Variants in CSMD3 observed in about 807,000 individuals in gnomAD.
CSMD3 encodes CUB and sushi domain-containing protein 3.
A neutral mutation model predicts 435.2 loss-of-function variants in CSMD3; 177 were observed. That is an observed-to-expected ratio of 0.41 (90% CI 0.36 to 0.46). CSMD3 has a LOEUF of 0.46. Among genes scored for constraint, CSMD3 ranks in the 20% least tolerant of loss-of-function variants. The probability of loss-of-function intolerance (pLI) is 0.34; values close to 1 mark genes in which losing one functional copy is unlikely to be tolerated. For missense variants in CSMD3, 4,265 were observed against 4,504.6 expected, an observed-to-expected ratio of 0.95 and a Z score of 1.52; for synonymous variants, 1,656 against 1,520.5, an observed-to-expected ratio of 1.09 and a Z score of -2.07.
chr8:112,985,360 A>T (rs2085217512), intron 6 of CSMD3, among the ~76,000 whole-genome samples: 1 of 152,118 alleles, frequency 6.6e-6, no homozygotes, highest in South Asian at 2.1e-4. Flanking sequence ...AGGAATGAAA[A>T]AACGAAATAG....
chr8:112,613,317 T>C (rs1401587165), intron 22 of CSMD3, among the ~76,000 whole-genome samples: 1 of 152,114 alleles, frequency 6.6e-6, no homozygotes, highest in Non-Finnish European at 1.5e-5. Flanking sequence ...CTTAAACTTC[T>C]TTGGAGAAAA....
Position 112,296,014 on chromosome 8 carries a change from A to G in CSMD3, c.8441-8T>C, listed in dbSNP as rs4876462. ...GAATTCCACAATGACCCGCTGAAAT[A>G]CGTTATAAAGTAATATTTTTAATAC... On this transcript the variant is annotated splice_polypyrimidine_tract_variant and splice_region_variant and intron_variant, in intron 53 of 70. Transcript: ENST00000297405. 0.46 allele frequency: 739,588 copies of G among 1,598,766 alleles called. 173,789 individuals carry two copies. The highest frequency in any genetic ancestry group is 0.52 in the Middle Eastern group (3,005 of 5,828).
intron 34 of CSMD3, among the ~76,000 whole-genome samples, chr8:112,407,544 C>T (rs1193832453): frequency 4.6e-5 from 7 of 151,818 alleles, no homozygotes; most frequent in Admixed American, 2.6e-4. Context: ...CATTATAGTG[C>T]CTTTTTGCAG....
At chr8:112,460,942 A>G (rs1007650536) in intron 32 of CSMD3, among the ~76,000 whole-genome samples, 2 of 152,164 alleles carry the variant, frequency 1.3e-5, no homozygotes, top group African/African-American at 4.8e-5. Flanking sequence ...GATGTGCACC[A>G]TATGTTTGTA....
chr8:112,304,933 G>T lies in CSMD3; in HGVS notation c.8072-18C>A, dbSNP rs2130780162. ...TGTAACAACTATACAAAAACCAAAG[G>T]GTGTAATTGCTAACAAATCACTATA... On this transcript the variant is annotated intron_variant, in intron 51 of 70. Coordinates refer to ENST00000297405, the MANE Select transcript of CSMD3 (RefSeq NM_198123.2). The T allele has an allele frequency of 6.3e-7, 1 of 1,592,658 alleles. No individual in the cohort carries two copies. The highest frequency in any genetic ancestry group is 8.6e-7 in the Non-Finnish European group (1 of 1,162,890).
rs758806075 is a variant in CSMD3, at chr8:112,921,763, T to A, written c.1509-12A>T. The A allele has an allele frequency of 6.3e-7, 1 of 1,597,162 alleles. No individual in the cohort carries two copies. The highest frequency in any genetic ancestry group is 8.6e-7 in the Non-Finnish European group (1 of 1,165,218). ...CAGTTGATCCAAGGCTAAAGTTAAA[T>A]AAAAGAGAAAAAATATGATAAGAAA... On this transcript the variant is annotated splice_polypyrimidine_tract_variant and intron_variant, in intron 9 of 70. Coordinates refer to ENST00000297405, the MANE Select transcript of CSMD3 (RefSeq NM_198123.2).
chr8:113,394,746 A>G (rs185774158), intron 1 of CSMD3, among the ~76,000 whole-genome samples: 10 of 152,314 alleles, frequency 6.6e-5, no homozygotes, highest in Admixed American at 1.3e-4. Context: ...CAACATGTAC[A>G]TGAAAGACAT....
intron 4 of CSMD3, among the ~76,000 whole-genome samples, chr8:113,106,324 A>AT (rs1008314494): frequency 4.6e-5 from 7 of 152,138 alleles, no homozygotes; most frequent in East Asian, 1.9e-4. Flanking sequence ...ATTACTAGAA[A>AT]TTAAAAAAAA....
At chr8:112,396,900 A>G (rs1223030873) in intron 35 of CSMD3, among the ~76,000 whole-genome samples, 1 of 152,186 alleles carries the variant, frequency 6.6e-6, no homozygotes, top group Non-Finnish European at 1.5e-5. Context: ...GGAGACTTCA[A>G]TGAAATGATG....
At chr8:112,524,784 T>TA (rs1253895209) in intron 27 of CSMD3, among the ~76,000 whole-genome samples, 1 of 151,972 alleles carries the variant, frequency 6.6e-6, no homozygotes, top group Non-Finnish European at 1.5e-5. Flanking sequence ...AAATAATTTC[T>TA]AAAAAATTAA....
At chr8:112,631,618 A>G (rs1214292196) in intron 22 of CSMD3, among the ~76,000 whole-genome samples, 1 of 152,084 alleles carries the variant, frequency 6.6e-6, no homozygotes, top group Admixed American at 6.6e-5. Context: ...TGCTTACTTC[A>G]TAAGGTTGTG....
intron 32 of CSMD3, 62 bp from the exon 33 acceptor site, chr8:112,409,094 A>G: frequency 6.2e-7 from 1 of 1,610,886 alleles, no homozygotes; most frequent in East Asian, 2.2e-5. Flanking sequence ...GAAAACAAAA[A>G]ACAAAAAAAT....
chr8:113,385,876 T>A (rs923157140), intron 1 of CSMD3, among the ~76,000 whole-genome samples: 2 of 152,116 alleles, frequency 1.3e-5, no homozygotes, highest in Non-Finnish European at 2.9e-5. Context: ...TTGCTTTTTA[T>A]TAAAATTCAA....
At chr8:112,975,407 A>T (rs1261113210) in intron 7 of CSMD3, among the ~76,000 whole-genome samples, 1 of 152,132 alleles carries the variant, frequency 6.6e-6, no homozygotes, top group African/African-American at 2.4e-5. Context: ...GCATAACATA[A>T]AAATATCATG....
intron 48 of CSMD3, 139 bp from the exon 49 acceptor site, chr8:112,314,191 C>A: frequency 1.3e-6 from 1 of 757,726 alleles, no homozygotes; most frequent in Admixed American, 2.6e-5. Flanking sequence ...TAATTGAAAA[C>A]ATAAAATGTT....
chr8:112,975,394 T>C (rs2130928749), intron 7 of CSMD3, among the ~76,000 whole-genome samples: 1 of 152,218 alleles, frequency 6.6e-6, no homozygotes, highest in East Asian at 1.9e-4. Flanking sequence ...CTAACTAACA[T>C]TTGCATAACA....
At chr8:113,045,058 A>G (rs1294957042) in intron 5 of CSMD3, among the ~76,000 whole-genome samples, 1 of 149,038 alleles carries the variant, frequency 6.7e-6, no homozygotes, top group African/African-American at 2.4e-5. Flanking sequence ...TTTATGTGCA[A>G]CGATCTAAAA....
intron 61 of CSMD3, among the ~76,000 whole-genome samples, chr8:112,257,799 T>C (rs774349053): frequency 2.0e-5 from 3 of 152,016 alleles, no homozygotes; most frequent in Non-Finnish European, 4.4e-5. Context: ...TCAAATGAAA[T>C]TAGAAAAGAG....
chr8:112,622,656 T>C (rs1394761601), intron 22 of CSMD3, among the ~76,000 whole-genome samples: 1 of 152,164 alleles, frequency 6.6e-6, no homozygotes. Context: ...GCTGAATTAA[T>C]AGGGACTCTA....
Sources: allele counts gnomAD v4.1 joint callset (sites outside exome capture counted in the v4.1 genomes callset), GRCh38; gene constraint gnomAD v4.1.1; transcripts MANE v1.5; gene names NCBI Gene and HGNC (gene_info 2026-07-23, HGNC 2026-07-21).